The following ITGA2 variants were observed in gnomAD, a reference collection of about 807,000 sequenced individuals.
ITGA2 encodes the protein integrin alpha-2.
In ITGA2, 101 loss-of-function variants were observed where a neutral mutation model predicts 146.3. The ratio of observed to expected loss-of-function variants is 0.69; its 90% CI spans 0.59 to 0.81. The LOEUF (loss-of-function observed/expected upper bound fraction) is 0.81, where lower values mean the gene tolerates loss of function less well. Among genes scored for constraint, ITGA2 ranks in the 40% least tolerant of loss-of-function variants. ITGA2 has a pLI of 0.00. For missense variants in ITGA2, 1,281 were observed against 1,402.7 expected, an observed-to-expected ratio of 0.91 and a Z score of 1.39; for synonymous variants, 477 against 487.1, an observed-to-expected ratio of 0.98 and a Z score of 0.27.
chr5:53,043,527 T>C (rs1197239794), intron 3 of ITGA2, among the ~76,000 whole-genome samples: 1 of 152,096 alleles, frequency 6.6e-6, no homozygotes, highest in Non-Finnish European at 1.5e-5. Context: ...ACCAGTGTTA[T>C]GGGGAGAAAA....
intron 1 of ITGA2, among the ~76,000 whole-genome samples, chr5:52,996,984 T>A (rs1487853039): frequency 6.6e-6 from 1 of 152,224 alleles, no homozygotes; most frequent in Non-Finnish European, 1.5e-5. Context: ...TTTCAAAACA[T>A]TTTCATTGAA....
intron 1 of ITGA2, among the ~76,000 whole-genome samples, chr5:53,000,405 C>A (rs915223058): frequency 6.6e-6 from 1 of 151,982 alleles, no homozygotes; most frequent in Non-Finnish European, 1.5e-5. Flanking sequence ...CCAAGTTGAT[C>A]CACATGTTCT....
Position 53,067,211 on chromosome 5 carries a change from C to A in ITGA2, c.2037C>A (p.Leu679=). 1 of 1,611,710 alleles carries A rather than the reference C, an allele frequency of 6.2e-7. No individual in the cohort carries two copies. The highest frequency in any genetic ancestry group is 8.5e-7 in the Non-Finnish European group (1 of 1,178,748). The change falls in exon 16 of 30, where the codon CTC becomes CTA. Residue 679 remains leucine, a synonymous_variant. Coordinates refer to ENST00000296585, the MANE Select transcript of ITGA2 (RefSeq NM_002203.4). Reference sequence around the variant, plus strand: ...AGAATGCTCAGATAATTCTCAAACTCTGCTTCAGTGCAAAGTTCAGACCTA... The same window carrying A: ...AGAATGCTCAGATAATTCTCAAACTATGCTTCAGTGCAAAGTTCAGACCTA... ...VNKNAQIILK[L]CFSAKFRPTK...
At chr5:53,074,362 G>T in intron 20 of ITGA2, 23 bp from the exon 21 acceptor site, 1 of 1,599,204 alleles carries the variant, frequency 6.3e-7, no homozygotes, top group Non-Finnish European at 8.6e-7. Flanking sequence ...ATTGATCATT[G>T]TTGTTTCCTT....
At chr5:53,006,620 T>A (rs1038974761) in intron 1 of ITGA2, among the ~76,000 whole-genome samples, 4 of 152,186 alleles carry the variant, frequency 2.6e-5, no homozygotes, top group African/African-American at 9.7e-5. Context: ...ACCACGACCA[T>A]GTGCAAGGTA....
chr5:53,079,123 C>T (rs1441933127), intron 24 of ITGA2, among the ~76,000 whole-genome samples: 1 of 152,080 alleles, frequency 6.6e-6, no homozygotes, highest in African/African-American at 2.4e-5. Flanking sequence ...CCAGGTGATG[C>T]TTATGCTGCT....
At chr5:53,085,958 G>T (rs1746136643) in intron 27 of ITGA2, among the ~76,000 whole-genome samples, 1 of 152,086 alleles carries the variant, frequency 6.6e-6, no homozygotes, top group Non-Finnish European at 1.5e-5. Flanking sequence ...GCCCAGGCTG[G>T]AGTGCAGTGG....
rs1231986838 is a variant in ITGA2, at chr5:53,094,603, T to A, written c.*4004T>A. On this transcript the variant is annotated 3_prime_UTR_variant, in exon 30 of 30. Coordinates refer to ENST00000296585, the MANE Select transcript of ITGA2 (RefSeq NM_002203.4). ...TTGTACAAAAAGTTGCAGAATTCAT[T>A]TGATTTATGAGAAACAAAAATTAAA... 1 of 151,486 alleles carries A rather than the reference T, an allele frequency of 6.6e-6. No homozygotes were observed. Among genetic ancestry groups the A allele is most frequent in the Non-Finnish European group, 1.5e-5 (1 of 68,008 alleles). 9.4% of individuals were successfully genotyped at this position (151,486 alleles called of 1,614,324 possible).
intron 1 of ITGA2, among the ~76,000 whole-genome samples, chr5:53,013,541 T>C (rs1228947944): frequency 1.3e-5 from 2 of 152,142 alleles, no homozygotes; most frequent in Non-Finnish European, 2.9e-5. Flanking sequence ...TTGGATAATA[T>C]GATGCCTCTA....
intron 1 of ITGA2, among the ~76,000 whole-genome samples, chr5:53,012,325 A>T (rs929350633): frequency 1.3e-5 from 2 of 152,198 alleles, no homozygotes; most frequent in East Asian, 1.9e-4. Flanking sequence ...CTGGCACCAG[A>T]TAGCAACATT....
intron 21 of ITGA2, 30 bp downstream of exon 21, chr5:53,074,507 T>C (rs1229255833): frequency 6.6e-6 from 10 of 1,514,596 alleles, no homozygotes; most frequent in Non-Finnish European, 8.3e-6. Flanking sequence ...CTCCAATCCA[T>C]ACAAGCCCTC....
intron 26 of ITGA2, among the ~76,000 whole-genome samples, chr5:53,082,712 C>T (rs945010216): frequency 5.3e-5 from 8 of 152,150 alleles, no homozygotes; most frequent in African/African-American, 1.4e-4. Flanking sequence ...TTAGGGTTCA[C>T]TCTTGGTGTT....
At chr5:53,014,995 A>T (rs892643343) in intron 1 of ITGA2, among the ~76,000 whole-genome samples, 1 of 150,964 alleles carries the variant, frequency 6.6e-6, no homozygotes, top group African/African-American at 2.4e-5. Context: ...CTTTTTCTTT[A>T]TTAGTCTAGC....
chr5:53,010,316 A>G (rs1281106566), intron 1 of ITGA2, among the ~76,000 whole-genome samples: 1 of 152,210 alleles, frequency 6.6e-6, no homozygotes, highest in Non-Finnish European at 1.5e-5. Flanking sequence ...TATGGTTGAC[A>G]GCCCAGAGAA....
Position 53,090,554 on chromosome 5 carries a change from C to CA in ITGA2, c.3506dup (p.Asn1169LysfsTer4). 6.2e-7 allele frequency: 1 copy of CA among 1,613,978 alleles called. No individual in the cohort carries two copies. Among genetic ancestry groups the CA allele is most frequent in the Non-Finnish European group, 8.5e-7 (1 of 1,179,948 alleles). On this transcript the variant is annotated frameshift_variant, in exon 30 of 30. Coordinates refer to ENST00000296585, the MANE Select transcript of ITGA2 (RefSeq NM_002203.4). LOFTEE classifies it high-confidence loss of function. ...TCAAAAGAAAATATGAAAAGATGAC[C>CA]AAAAATCCAGATGAGATTGATGAGA...
Position 53,090,787 on chromosome 5 carries a change from G to T in ITGA2, c.*188G>T. The stretch of plus-strand genomic sequence containing the variant: ...TTGTGGGGGGTGGGGGAGGTGCGGG[G>T]GGCAGGTAGGGAAATAATAGGGAAA... On this transcript the variant is annotated 3_prime_UTR_variant, in exon 30 of 30. Coordinates refer to ENST00000296585, the MANE Select transcript of ITGA2 (RefSeq NM_002203.4). 2 of 484,538 alleles carry T rather than the reference G, an allele frequency of 4.1e-6. No individual in the cohort carries two copies. Among genetic ancestry groups the T allele is most frequent in the Non-Finnish European group, 3.8e-6 (1 of 264,892 alleles). 30.0% of individuals were successfully genotyped at this position (484,538 alleles called of 1,614,324 possible).
intron 2 of ITGA2, among the ~76,000 whole-genome samples, chr5:53,027,883 A>G (rs1743029400): frequency 6.6e-6 from 1 of 152,094 alleles, no homozygotes; most frequent in Admixed American, 6.5e-5. Context: ...AGAGTTAGAG[A>G]CCACCTGGGC....
At chr5:53,044,274 C>CAAAAAAAAAAAAAAAAAAAAA (rs11421419) in intron 3 of ITGA2, among the ~76,000 whole-genome samples, 3 of 37,778 alleles carry the variant, frequency 7.9e-5, no homozygotes, top group Admixed American at 4.4e-4. Context: ...GACTCTGTCT[C>CAAAAAAAAAAAAAAAAAAAAA]AAAAAAAAAA....
At chr5:53,026,972 G>T in intron 2 of ITGA2, 104 bp downstream of exon 2, 3 of 993,254 alleles carry the variant, frequency 3.0e-6, no homozygotes, top group South Asian at 1.4e-5. Context: ...ACTATAAATG[G>T]GTGGCCCTCA....
Sources: allele counts gnomAD v4.1 joint callset (sites outside exome capture counted in the v4.1 genomes callset), GRCh38; gene constraint gnomAD v4.1.1; transcripts MANE v1.5; gene names NCBI Gene and HGNC (gene_info 2026-07-23, HGNC 2026-07-21).